DCHS2: variants seen among roughly 807,000 people sequenced by gnomAD.
The protein encoded by DCHS2 is dachsous cadherin-related 2.
In DCHS2, 142 loss-of-function variants were observed where a neutral mutation model predicts 182.4. The observed-to-expected ratio is 0.78, with a 90% confidence interval of 0.68 to 0.89. DCHS2 has a LOEUF of 0.89. Among genes scored for constraint, DCHS2 ranks in the 40% least tolerant of loss-of-function variants. The pLI, the probability that DCHS2 is intolerant of heterozygous loss-of-function variation, is 0.00. For missense variants in DCHS2, 4,319 were observed against 4,198.6 expected (o/e 1.03, Z -0.79); for synonymous variants, 1,740 against 1,663.3 (o/e 1.05, Z -1.12).
At chr4:154,296,372 G>A (rs566587304) in intron 13 of DCHS2, among the ~76,000 whole-genome samples, 4 of 152,232 alleles carry the variant, frequency 2.6e-5, no homozygotes, top group African/African-American at 7.2e-5. Flanking sequence ...AGTAAAGAGC[G>A]GGGAGTCACT....
chr4:154,237,666 C>T (rs569696571), intron 19 of DCHS2: 6 of 152,272 alleles, frequency 3.9e-5, no homozygotes, highest in Non-Finnish European at 7.3e-5. Context: ...TCATGCAAGT[C>T]GATGTTTCCC....
chr4:154,261,606 G>C (rs1196418740), intron 14 of DCHS2: 1 of 152,002 alleles, frequency 6.6e-6, no homozygotes, highest in East Asian at 1.9e-4. Context: ...AATTCTAGTG[G>C]GAGGCATATC....
rs375547059 is a variant in DCHS2 at position 154,252,678 on chromosome 4, AAAT to A, written c.6941+2838_6941+2840del. 1.8e-3 allele frequency among the ~76,000 whole-genome samples: 278 copies of A among 152,068 alleles called. 1 individual carries two copies. Among genetic ancestry groups the A allele is most frequent in the African/African-American group, 6.4e-3 (265 of 41,498 alleles). On this transcript the variant is annotated intron_variant, in intron 16 of 19. Coordinates refer to ENST00000357232, the MANE Select transcript of DCHS2 (RefSeq NM_001358235.2). ...TTCTTCTTTTTTTCTTTTAATGGCT[AAAT>A]AATACTCCATTGTGTATATGTATCC...
chr4:154,336,221 AGAG>A (rs1728802547), intron 3 of DCHS2, among the ~76,000 whole-genome samples: 1 of 152,184 alleles, frequency 6.6e-6, no homozygotes, highest in African/African-American at 2.4e-5. Context: ...AGAGTATGTG[AGAG>A]GAGAACTTAT....
At chr4:154,277,108 A>C (rs550043372) in intron 13 of DCHS2, among the ~76,000 whole-genome samples, 1 of 152,216 alleles carries the variant, frequency 6.6e-6, no homozygotes, top group Non-Finnish European at 1.5e-5. Flanking sequence ...AACCCATAAA[A>C]AAAAGGCCAT....
intron 1 of DCHS2, among the ~76,000 whole-genome samples, chr4:154,472,924 A>G (rs535268301): frequency 2.6e-5 from 4 of 152,254 alleles, no homozygotes; most frequent in Non-Finnish European, 5.9e-5. Context: ...ACAGAAATGT[A>G]TATTTTAAGT....
intron 3 of DCHS2, among the ~76,000 whole-genome samples, chr4:154,349,421 T>C (rs957044907): frequency 2.6e-5 from 4 of 152,192 alleles, no homozygotes; most frequent in Non-Finnish European, 5.9e-5. Flanking sequence ...TCCATTTTGG[T>C]CTGGTCTGTT....
intron 13 of DCHS2, among the ~76,000 whole-genome samples, chr4:154,277,630 C>CAAAAA (rs35543228): frequency 2.0e-5 from 2 of 102,514 alleles, no homozygotes; most frequent in African/African-American, 3.6e-5. Context: ...GAAATCACAC[C>CAAAAA]AAAAAAAAAA....
intron 1 of DCHS2, among the ~76,000 whole-genome samples, chr4:154,402,275 T>G (rs138867624): frequency 4.7e-4 from 72 of 152,358 alleles, no homozygotes; most frequent in African/African-American, 1.7e-3. Flanking sequence ...ACTCTCTTGA[T>G]TAATATAGCT....
intron 1 of DCHS2, among the ~76,000 whole-genome samples, chr4:154,465,251 T>C (rs567138147): frequency 6.6e-6 from 1 of 152,294 alleles, no homozygotes; most frequent in South Asian, 2.1e-4. Context: ...TTGACTCATC[T>C]GACTGTTGGC....
chr4:154,268,374 G>C (rs920112825), intron 14 of DCHS2, among the ~76,000 whole-genome samples: 1 of 152,296 alleles, frequency 6.6e-6, no homozygotes, highest in Admixed American at 6.5e-5. Context: ...ATGTGACAGT[G>C]AAACTGAGAA....
intron 1 of DCHS2, among the ~76,000 whole-genome samples, chr4:154,472,064 G>A (rs1434053897): frequency 1.3e-5 from 2 of 152,116 alleles, no homozygotes; most frequent in Non-Finnish European, 2.9e-5. Context: ...GGCAAAAAAA[G>A]GTGGTTTGGA....
At position 154,441,779 on chromosome 4, in the gene DCHS2, T is replaced by C. The variant is rs114058328; in HGVS notation, c.2052+47525A>G. Among the ~76,000 whole-genome samples, 1,211 of 152,244 alleles carry C rather than the reference T, an allele frequency of 8.0e-3. 11 individuals carry two copies. The highest frequency in any genetic ancestry group is 0.034 in the Middle Eastern group (10 of 294). On this transcript the variant is annotated intron_variant, in intron 1 of 19. Coordinates refer to ENST00000357232, the MANE Select transcript of DCHS2 (RefSeq NM_001358235.2). Reference sequence around the variant, plus strand: ...CTCAGTGTTTATAAAGCACTTCTTGTTTTATAAAAACAGCTATTTATTAAT... The same window carrying C: ...CTCAGTGTTTATAAAGCACTTCTTGCTTTATAAAAACAGCTATTTATTAAT...
chr4:154,460,625 G>C (rs894811037), intron 1 of DCHS2, among the ~76,000 whole-genome samples: 3 of 152,134 alleles, frequency 2.0e-5, no homozygotes, highest in African/African-American at 7.2e-5. Context: ...GGCATCTTAA[G>C]GCTGGTGGAA....
chr4:154,314,545 A>G (rs7683402), intron 10 of DCHS2, among the ~76,000 whole-genome samples: 45,256 of 152,084 alleles, frequency 0.3, 8,194 homozygotes, highest in Non-Finnish European at 0.41. Context: ...TTCATGTAAA[A>G]TGCATTTCAT....
At chr4:154,437,168 C>T (rs1733814599) in intron 1 of DCHS2, among the ~76,000 whole-genome samples, 1 of 152,134 alleles carries the variant, frequency 6.6e-6, no homozygotes, top group Non-Finnish European at 1.5e-5. Context: ...AGACAGTTCA[C>T]CCAGGAGCTT....
intron 1 of DCHS2, among the ~76,000 whole-genome samples, chr4:154,383,609 G>T (rs949875661): frequency 6.6e-6 from 1 of 152,132 alleles, no homozygotes; most frequent in Non-Finnish European, 1.5e-5. Context: ...GGCCCTTGAA[G>T]GCATGTTTCC....
intron 14 of DCHS2, among the ~76,000 whole-genome samples, chr4:154,267,727 C>T (rs1253588935): frequency 6.6e-6 from 1 of 152,098 alleles, no homozygotes; most frequent in Non-Finnish European, 1.5e-5. Flanking sequence ...AGCTTTACGG[C>T]AATTAGAGAT....
rs765345306 is a variant in DCHS2 at position 154,235,475 on chromosome 4, A to C, written c.9177T>G (p.Ser3059Arg). The change falls in exon 20 of 20, where the codon AGT (serine) becomes AGG (arginine). Residue 3059 changes from serine (S) to arginine (R), a missense_variant. Coordinates refer to ENST00000357232, the MANE Select transcript of DCHS2 (RefSeq NM_001358235.2). Reference sequence around the variant, plus strand: ...TGGCATCCACAGGGACCACCTCGTTACTGCAGTCGTCAGTTTTCTGGAAGG... The same window carrying C: ...TGGCATCCACAGGGACCACCTCGTTCCTGCAGTCGTCAGTTTTCTGGAAGG... ...LKAFQKTDDC[S>R]NEVVPVDATP... is the part of the protein sequence containing the mutation. 12 of 1,614,004 alleles carry C rather than the reference A, an allele frequency of 7.4e-6. No homozygotes were observed. The highest frequency in any genetic ancestry group is 9.3e-6 in the Non-Finnish European group (11 of 1,179,942).
Sources: allele counts gnomAD v4.1 joint callset (sites outside exome capture counted in the v4.1 genomes callset), GRCh38; gene constraint gnomAD v4.1.1; transcripts MANE v1.5; gene names NCBI Gene and HGNC (gene_info 2026-07-23, HGNC 2026-07-21).